The following CCDC134 variants were observed in gnomAD, a reference collection of about 807,000 sequenced individuals.
CCDC134 encodes coiled-coil domain-containing protein 134.
A neutral mutation model predicts 25.6 loss-of-function variants in CCDC134; 27 were observed. That is an observed-to-expected ratio of 1.05 (90% confidence interval 0.78 to 1.45). CCDC134 has a LOEUF of 1.45. CCDC134 is among the 40% of genes most tolerant of loss of function. The pLI, the probability that CCDC134 is intolerant of heterozygous loss-of-function variation, is 0.00. For missense variants in CCDC134, 261 were observed against 286.7 expected (o/e 0.91, Z 0.65); for synonymous variants, 110 against 115.0 (o/e 0.96, Z 0.28).
At chr22:41,824,566 C>G (rs1010159190) in intron 6 of CCDC134, among the ~76,000 whole-genome samples, 2 of 152,124 alleles carry the variant, frequency 1.3e-5, no homozygotes. Flanking sequence ...TTGAGACTAG[C>G]CTGGCCAACA....
At chr22:41,803,994 G>A (rs572074738) in intron 1 of CCDC134, among the ~76,000 whole-genome samples, 4 of 151,262 alleles carry the variant, frequency 2.6e-5, no homozygotes, top group South Asian at 2.1e-4. Flanking sequence ...TTACCCGGGC[G>A]TGGTGGCGGG....
chr22:41,828,126 T>C lies in CCDC134; in HGVS notation c.*2303T>C, dbSNP rs2076688291. On this transcript the variant is annotated 3_prime_UTR_variant, in exon 7 of 7. Transcript: ENST00000255784. ...CTGTCATTAGCAGGATTTGTATAAT[T>C]TGAAGCAGAGCTGGGCAACTGCAGA... 6.6e-6 allele frequency among the ~76,000 whole-genome samples: 1 copy of C among 152,116 alleles called. No individual in the cohort carries two copies. The highest frequency in any genetic ancestry group is 6.6e-5 in the Admixed American group (1 of 15,262).
Position 41,826,738 on chromosome 22 carries a change from G to A in CCDC134, c.*915G>A, listed in dbSNP as rs2076681581. Among the ~76,000 whole-genome samples the A allele has an allele frequency of 6.6e-6, 1 of 152,226 alleles. No homozygotes were observed. The highest frequency in any genetic ancestry group is 1.5e-5 in the Non-Finnish European group (1 of 68,030). ...TGGGTCAGACAGCTTCCCGTCTCGG[G>A]AGGCCACAGGGCAGGGAAGCTGCAG... On this transcript the variant is annotated 3_prime_UTR_variant, in exon 7 of 7. Coordinates refer to ENST00000255784, the MANE Select transcript of CCDC134 (RefSeq NM_024821.5).
chr22:41,813,705 G>C (rs148750497), intron 5 of CCDC134, 46 bp from the exon 6 acceptor site: 20 of 1,571,934 alleles, frequency 1.3e-5, no homozygotes, highest in Non-Finnish European at 1.8e-5. Context: ...CTGGTGAGCA[G>C]GACTCAGGAG....
At chr22:41,814,191 G>A (rs773918399) in intron 6 of CCDC134, among the ~76,000 whole-genome samples, 75 of 152,152 alleles carry the variant, frequency 4.9e-4, no homozygotes, top group South Asian at 1.7e-3. Flanking sequence ...CTTCCATCCC[G>A]CACTCCTGTA....
chr22:41,821,944 A>G (rs1207832329), intron 6 of CCDC134, among the ~76,000 whole-genome samples: 1 of 152,058 alleles, frequency 6.6e-6, no homozygotes, highest in African/African-American at 2.4e-5. Flanking sequence ...GAGTGAGGGG[A>G]GCACGGAGGC....
chr22:41,820,918 C>G (rs570058402), intron 6 of CCDC134, among the ~76,000 whole-genome samples: 1 of 152,258 alleles, frequency 6.6e-6, no homozygotes, highest in Non-Finnish European at 1.5e-5. Flanking sequence ...AGACAGGACA[C>G]AGTCATCTGG....
At chr22:41,813,134 G>C in intron 4 of CCDC134, 130 bp from the exon 5 acceptor site, 1 of 863,100 alleles carries the variant, frequency 1.2e-6, no homozygotes. Context: ...GCAGCCTGTG[G>C]TCAGTAGGCA....
intron 6 of CCDC134, among the ~76,000 whole-genome samples, chr22:41,819,844 G>A (rs1034565605): frequency 4.6e-5 from 7 of 151,182 alleles, no homozygotes; most frequent in Non-Finnish European, 8.8e-5. Context: ...TTTTGGGGCT[G>A]GGGAGTGTCA....
chr22:41,808,280 G>A (rs1176592715), intron 1 of CCDC134, among the ~76,000 whole-genome samples: 2 of 151,944 alleles, frequency 1.3e-5, no homozygotes, highest in Admixed American at 6.6e-5. Context: ...CCCTTACCCC[G>A]AGACTGCCCT....
In CCDC134 at chr22:41,826,203, C is replaced by T. The variant is rs1199040677; in HGVS notation, c.*380C>T. ...TTCTGAGCCACGGGTCAGGGTGCCA[C>T]CCTGCTGCTGGCCCCACTGTGTCAC... On this transcript the variant is annotated 3_prime_UTR_variant, in exon 7 of 7. Coordinates refer to ENST00000255784, the MANE Select transcript of CCDC134 (RefSeq NM_024821.5). 1.0e-5 allele frequency: 2 copies of T among 191,944 alleles called. No homozygotes were observed. The highest frequency in any genetic ancestry group is 2.2e-5 in the Non-Finnish European group (2 of 91,128). 11.9% of individuals were successfully genotyped at this position (191,944 alleles called of 1,614,324 possible).
intron 1 of CCDC134, among the ~76,000 whole-genome samples, chr22:41,802,209 A>G (rs1032196478): frequency 6.7e-6 from 1 of 149,344 alleles, no homozygotes; most frequent in African/African-American, 2.5e-5. Flanking sequence ...TAAATTTGTC[A>G]GAGTTTTTAA....
rs183198071 is a variant in CCDC134 at position 41,810,684 on chromosome 22, C to T, written c.310+393C>T. Among the ~76,000 whole-genome samples, 610 of 151,786 alleles carry T rather than the reference C, an allele frequency of 4.0e-3. 4 individuals are homozygous for T. The highest frequency in any genetic ancestry group is 0.013 in the African/African-American group (554 of 41,404). On this transcript the variant is annotated intron_variant, in intron 4 of 6. Coordinates refer to ENST00000255784, the MANE Select transcript of CCDC134 (RefSeq NM_024821.5). ...CTAGTTTTTGTATTCTTAATAGAGA[C>T]GAGGTTTCACCATGTTGGCCAGGAT...
Position 41,825,720 on chromosome 22 carries a change from TC to T in CCDC134, c.589del (p.Gln197ArgfsTer4). On this transcript the variant is annotated frameshift_variant, in exon 7 of 7. Transcript: ENST00000255784. LOFTEE classifies it high-confidence loss of function. The surrounding 1 kb of genome is among the most constrained non-coding windows in gnomAD (Gnocchi z 4.4). ...CAGTTCATTCCCAGCACTGACCCTT[TC>T]CAGAAGGCCCTGAGAGAAGAAGAGA... ...RTEFIPSTDP[F>X]QKALREEEKR... 2.5e-6 allele frequency: 4 copies of T among 1,613,964 alleles called. No individual in the cohort carries two copies. Among genetic ancestry groups the T allele is most frequent in the Non-Finnish European group, 3.4e-6 (4 of 1,179,934 alleles).
Position 41,826,705 on chromosome 22 carries a change from A to C in CCDC134, c.*882A>C, listed in dbSNP as rs1381838024. Among the ~76,000 whole-genome samples the C allele has an allele frequency of 2.0e-5, 3 of 152,142 alleles. No individual in the cohort carries two copies. Among genetic ancestry groups the C allele is most frequent in the Non-Finnish European group, 4.4e-5 (3 of 68,014 alleles). On this transcript the variant is annotated 3_prime_UTR_variant, in exon 7 of 7. Transcript: ENST00000255784. The stretch of plus-strand genomic sequence containing the variant: ...GGCCGTGCTCCGCAATGGCTGCCCT[A>C]AGCTGCATGGGTCAGACAGCTTCCC...
intron 4 of CCDC134, 86 bp downstream of exon 4, chr22:41,810,377 T>C: frequency 7.5e-7 from 1 of 1,333,410 alleles, no homozygotes; most frequent in Non-Finnish European, 1.0e-6. Context: ...TCACTCTTTT[T>C]TTCTCCCCGG....
rs564484938 is a variant in CCDC134 at position 41,808,896 on chromosome 22, CCTT to C, written c.11_13del (p.Leu4del). ...CCAGCTCAAGAGGTTTGGATATGGA[CCTT>C]CTTCAATTCCTGGCCTTCCTCTTTG... On this transcript the variant is annotated inframe_deletion, in exon 2 of 7. Coordinates refer to ENST00000255784, the MANE Select transcript of CCDC134 (RefSeq NM_024821.5). 5.5e-5 allele frequency: 88 copies of C among 1,613,944 alleles called. No homozygotes were observed. The African/African-American group carries it at 9.9e-4, about 18-fold the overall frequency.
chr22:41,824,979 G>A (rs2076669332), intron 6 of CCDC134, among the ~76,000 whole-genome samples: 1 of 152,102 alleles, frequency 6.6e-6, no homozygotes, highest in Non-Finnish European at 1.5e-5. Flanking sequence ...ACCCGAGGAG[G>A]GAGAGGGAAT....
intron 4 of CCDC134, 72 bp downstream of exon 4, chr22:41,810,363 C>T: frequency 9.3e-6 from 13 of 1,396,176 alleles, no homozygotes; most frequent in Admixed American, 1.9e-5. Context: ...CTCTCCTGTT[C>T]TTGTCACTCT....
Sources: allele counts gnomAD v4.1 joint callset (sites outside exome capture counted in the v4.1 genomes callset), GRCh38; gene constraint gnomAD v4.1.1; non-coding constraint Gnocchi (gnomAD v3.1); transcripts MANE v1.5; gene names NCBI Gene and HGNC (gene_info 2026-07-23, HGNC 2026-07-21).